The following F11 variants were observed in gnomAD, a reference collection of about 807,000 sequenced individuals.
The protein encoded by F11 is coagualtion factor XI.
F11 carries 78 observed loss-of-function variants against 76.5 expected under a neutral mutation model. The observed-to-expected ratio is 1.02, with a 90% CI of 0.85 to 1.23. F11 has a LOEUF of 1.23. F11 is among the 50% of genes most tolerant of loss of function. The probability of loss-of-function intolerance (pLI) is 0.00; values close to 1 mark genes in which losing one functional copy is unlikely to be tolerated. For missense variants in F11, 742 were observed against 771.4 expected, an observed-to-expected ratio of 0.96 and a Z score of 0.45; for synonymous variants, 278 against 276.3, an observed-to-expected ratio of 1.01 and a Z score of -0.06.
Position 186,280,103 on chromosome 4 carries a change from T to C in F11, c.847T>C (p.Cys283Arg), listed in dbSNP as rs1740684804. Reference sequence around the variant, plus strand: ...TCTTTCTGGTTTCAGTCTACAAAGCTGCAGGCACAGCATCCCAGGTAAACT... The same window carrying C: ...TCTTTCTGGTTTCAGTCTACAAAGCCGCAGGCACAGCATCCCAGGTAAACT... ...KALSGFSLQSCRHSIPVFCHS... is the reference protein window; with the variant it reads ...KALSGFSLQSRRHSIPVFCHS... The change falls in exon 8 of 15, where the codon TGC (cysteine) becomes CGC (arginine). Residue 283 changes from cysteine to arginine, a missense_variant. By Grantham distance (180) the Cys-to-Arg change is radical. Coordinates refer to ENST00000403665, the MANE Select transcript of F11 (RefSeq NM_000128.4). The C allele has an allele frequency of 1.2e-6, 2 of 1,614,088 alleles. No individual in the cohort carries two copies. Among genetic ancestry groups the C allele is most frequent in the African/African-American group, 1.3e-5 (1 of 74,938 alleles).
chr4:186,271,847 A>G, intron 3 of F11, 76 bp downstream of exon 3: 2 of 1,492,346 alleles, frequency 1.3e-6, no homozygotes, highest in Non-Finnish European at 1.9e-6. Context: ...TTTCCATCTA[A>G]CATTTTATAA....
intron 2 of F11, among the ~76,000 whole-genome samples, chr4:186,271,117 G>A (rs1207511386): frequency 2.0e-5 from 3 of 152,124 alleles, no homozygotes; most frequent in African/African-American, 7.2e-5. Context: ...TTTCCACGGT[G>A]GGGTTTCCAA....
chr4:186,288,075 C>CTTT (rs140874355), intron 14 of F11, among the ~76,000 whole-genome samples: 2 of 145,758 alleles, frequency 1.4e-5, no homozygotes, highest in African/African-American at 5.0e-5. Flanking sequence ...CAGCTAGCGT[C>CTTT]TTTTTTTTTT....
At chr4:186,274,050 G>A in intron 4 of F11, 66 bp from the exon 5 acceptor site, 2 of 1,580,804 alleles carry the variant, frequency 1.3e-6, no homozygotes, top group East Asian at 2.2e-5. Context: ...AGTCAGGAGG[G>A]ACAGTTGCTT....
At chr4:186,273,758 C>G (rs758258819) in intron 4 of F11, among the ~76,000 whole-genome samples, 1 of 152,118 alleles carries the variant, frequency 6.6e-6, no homozygotes, top group African/African-American at 2.4e-5. Context: ...CTTTATTAAA[C>G]GTATTAATCC....
intron 7 of F11, among the ~76,000 whole-genome samples, chr4:186,278,854 G>A (rs1740573914): frequency 6.6e-6 from 1 of 152,194 alleles, no homozygotes; most frequent in South Asian, 2.1e-4. Flanking sequence ...GTTAAATGCA[G>A]AGAGGGAAGA....
At chr4:186,278,617 G>C (rs1740555317) in intron 7 of F11, among the ~76,000 whole-genome samples, 1 of 152,128 alleles carries the variant, frequency 6.6e-6, no homozygotes, top group Non-Finnish European at 1.5e-5. Context: ...CAAGACTTTT[G>C]GCCCAAGGAA....
intron 10 of F11, chr4:186,281,880 G>A: frequency 8.2e-7 from 1 of 1,220,526 alleles, no homozygotes; most frequent in Non-Finnish European, 1.1e-6. Context: ...AGAACATAAA[G>A]ACGTTATATT....
intron 2 of F11, among the ~76,000 whole-genome samples, 155 bp from the exon 3 acceptor site, chr4:186,271,454 T>C (rs1010810127): frequency 6.6e-6 from 1 of 152,256 alleles, no homozygotes; most frequent in African/African-American, 2.4e-5. Flanking sequence ...GTTCATTCAA[T>C]AAACTCACAT....
chr4:186,273,054 AT>A lies in F11; in HGVS notation c.219-11del. On this transcript the variant is annotated splice_polypyrimidine_tract_variant and intron_variant, in intron 3 of 14. Transcript: ENST00000403665. Reference sequence around the variant, plus strand: ...CATAAATTCCTATTCATTAATATGTATTTTTTAAAAAAACAGGTTTACTTGT... The same window carrying A: ...CATAAATTCCTATTCATTAATATGTATTTTTAAAAAAACAGGTTTACTTGT... 6.6e-7 allele frequency: 1 copy of A among 1,525,724 alleles called. No homozygotes were observed. The highest frequency in any genetic ancestry group is 1.4e-5 in the African/African-American group (1 of 72,656). 94.5% of individuals were successfully genotyped at this position (1,525,724 alleles called of 1,614,324 possible).
chr4:186,274,745 A>G (rs1450217987), intron 5 of F11: 1 of 192,704 alleles, frequency 5.2e-6, no homozygotes, highest in Non-Finnish European at 1.1e-5. Context: ...AATCTATCAC[A>G]TAAGGATTTA....
Position 186,273,929 on chromosome 4 carries a change from G to A in F11, c.326-187G>A, listed in dbSNP as rs150608017. 7.2e-5 allele frequency among the ~76,000 whole-genome samples: 11 copies of A among 152,294 alleles called. No individual in the cohort carries two copies. In the East Asian group the frequency reaches 2.1e-3, roughly 29 times the overall value. On this transcript the variant is annotated intron_variant, in intron 4 of 14. Coordinates refer to ENST00000403665, the MANE Select transcript of F11 (RefSeq NM_000128.4). ...TTTACAAGTCTAAAATTGTTACAGT[G>A]TAAGAAGGACATTGGCATTCTTTTA...
chr4:186,271,795 G>A (rs372339062), intron 3 of F11, 24 bp downstream of exon 3: 11 of 1,613,370 alleles, frequency 6.8e-6, no homozygotes, highest in East Asian at 2.2e-5. Flanking sequence ...TTTCTACATC[G>A]AGGAGACAGA....
intron 2 of F11, 108 bp downstream of exon 2, chr4:186,267,299 G>GT: frequency 1.2e-6 from 1 of 838,428 alleles, no homozygotes; most frequent in Admixed American, 1.8e-5. Flanking sequence ...GAAATAAAAT[G>GT]TTTTTATTAA....
intron 10 of F11, chr4:186,281,907 T>C (rs770694338): frequency 3.7e-5 from 46 of 1,254,820 alleles, no homozygotes; most frequent in Middle Eastern, 4.4e-4. Flanking sequence ...AACACTGGTA[T>C]CCTAACTAAC....
At chr4:186,283,386 T>C (rs574375223) in intron 10 of F11, among the ~76,000 whole-genome samples, 1 of 152,256 alleles carries the variant, frequency 6.6e-6, no homozygotes, top group Admixed American at 6.5e-5. Flanking sequence ...GGCACTGTCC[T>C]GTCTAGGCAG....
chr4:186,282,067 C>T, intron 10 of F11: 1 of 1,236,284 alleles, frequency 8.1e-7, no homozygotes, highest in Non-Finnish European at 1.1e-6. Flanking sequence ...GCATTCGGCA[C>T]CATTCTGTTG....
intron 10 of F11, chr4:186,282,290 G>A: frequency 1.0e-6 from 1 of 985,380 alleles, no homozygotes; most frequent in African/African-American, 1.7e-5. Context: ...TAGATTGATA[G>A]CTACAGGAGA....
At chr4:186,272,664 A>T (rs1457752598) in intron 3 of F11, among the ~76,000 whole-genome samples, 2 of 152,242 alleles carry the variant, frequency 1.3e-5, no homozygotes, top group Non-Finnish European at 2.9e-5. Flanking sequence ...AATAACGCAG[A>T]GTAAATATGT....
Sources: gnomAD v4.1 joint callset for allele counts (sites outside exome capture counted in the v4.1 genomes callset) on GRCh38, gnomAD v4.1.1 for gene constraint, MANE v1.5 for transcripts, NCBI Gene and HGNC (gene_info 2026-07-23, HGNC 2026-07-21) for gene names.